Variants in RIDA observed in about 807,000 individuals in gnomAD.
RIDA encodes the protein 2-iminobutanoate/2-iminopropanoate deaminase.
A neutral mutation model predicts 17.8 loss-of-function variants in RIDA; 17 were observed. The observed-to-expected ratio is 0.96, with a 90% CI of 0.65 to 1.43. The LOEUF is 1.43. RIDA is among the 40% of genes most tolerant of loss of function. The probability of loss-of-function intolerance (pLI) is 0.00; values close to 1 mark genes in which losing one functional copy is unlikely to be tolerated. For missense variants in RIDA, 158 were observed against 161.7 expected, an observed-to-expected ratio of 0.98 and a Z score of 0.12; for synonymous variants, 48 against 55.7, an observed-to-expected ratio of 0.86 and a Z score of 0.62.
intron 1 of RIDA, among the ~76,000 whole-genome samples, chr8:98,114,243 A>G (rs4734382): frequency 0.45 from 69,129 of 151,934 alleles, 15,978 homozygotes; most frequent in Admixed American, 0.51. Flanking sequence ...AACCACATTT[A>G]ATTGTTCCTT....
chr8:98,108,648 G>C lies in RIDA; in HGVS notation c.169C>G (p.Gln57Glu), dbSNP rs987875737. Residue 57 changes from glutamine to glutamate, a missense_variant and splice_region_variant, in exon 2 of 6, where the codon CAA becomes GAA. By Grantham distance (29) the Gln-to-Glu change is conservative. Transcript: ENST00000254878. ...VSGGVAEEAKQALKNMGEILK... is the reference protein window; with the variant it reads ...VSGGVAEEAKEALKNMGEILK... Reference sequence around the variant, plus strand: ...CTTAAATGTGGAAAATAACTTACTTGTTTAGCTTCTTCTGCTACCCCTCCT... The same window carrying C: ...CTTAAATGTGGAAAATAACTTACTTCTTTAGCTTCTTCTGCTACCCCTCCT... The C allele has an allele frequency of 2.5e-6, 4 of 1,596,784 alleles. No individual in the cohort carries two copies. Among genetic ancestry groups the C allele is most frequent in the Non-Finnish European group, 3.4e-6 (4 of 1,164,286 alleles).
intron 1 of RIDA, among the ~76,000 whole-genome samples, chr8:98,112,673 T>A (rs1201352226): frequency 6.6e-6 from 1 of 152,212 alleles, no homozygotes; most frequent in Non-Finnish European, 1.5e-5. Flanking sequence ...ACTGAGTTTG[T>A]TAATTTGTAA....
At chr8:98,107,279 C>T (rs1815645705) in intron 2 of RIDA, among the ~76,000 whole-genome samples, 1 of 152,138 alleles carries the variant, frequency 6.6e-6, no homozygotes, top group Admixed American at 6.5e-5. Flanking sequence ...AATCTCAGCA[C>T]TTTGGGAGGC....
chr8:98,111,480 C>T (rs1007741209), intron 1 of RIDA, among the ~76,000 whole-genome samples: 18 of 151,964 alleles, frequency 1.2e-4, no homozygotes, highest in African/African-American at 4.1e-4. Flanking sequence ...GTGGTGCACA[C>T]CTGTAATTCC....
intron 2 of RIDA, among the ~76,000 whole-genome samples, chr8:98,106,973 T>G (rs1319704692): frequency 6.6e-6 from 1 of 152,182 alleles, no homozygotes; most frequent in Admixed American, 6.5e-5. Context: ...CCTCTCTCCC[T>G]CTCCCAAGTT....
chr8:98,112,693 G>A (rs1201052017), intron 1 of RIDA, among the ~76,000 whole-genome samples: 10 of 151,950 alleles, frequency 6.6e-5, no homozygotes, highest in Admixed American at 3.3e-4. Flanking sequence ...ATCTTTTCTC[G>A]GGTTAAATAA....
In RIDA at chr8:98,104,681, A is replaced by G. The variant is rs1045237803; in HGVS notation, c.296-137T>C. The G allele has an allele frequency of 9.5e-6, 6 of 628,652 alleles. No homozygotes were observed. In the Admixed American group the frequency reaches 1.1e-4, roughly 12 times the overall value. 38.9% of individuals were successfully genotyped at this position (628,652 alleles called of 1,614,324 possible). On this transcript the variant is annotated intron_variant, in intron 4 of 5. Transcript: ENST00000254878. ...ATTAATAATCTGGCAAATATTTCAT[A>G]TACTAGTCAGTTCTTAGATATAAGC...
In RIDA at chr8:98,115,410, AAAAAAG is replaced by A. The variant is rs1382079433; in HGVS notation, c.65+1616_65+1621del. Among the ~76,000 whole-genome samples, 194 of 106,924 alleles carry A rather than the reference AAAAAAG, an allele frequency of 1.8e-3. 8 individuals carry two copies. Among genetic ancestry groups the A allele is most frequent in the African/African-American group, 4.7e-3 (158 of 33,834 alleles). The allele number at this position is 106,924 out of a possible 152,430, so 70.1% of individuals were successfully genotyped here. ...CTCCAAAAAAAAAAAAAAAAAAAAA[AAAAAAG>A]GGATAGTGCCCAATGCTGCTGAGTA... is the stretch of plus-strand genomic sequence containing the variant. On this transcript the variant is annotated intron_variant, in intron 1 of 5. Transcript: ENST00000254878.
chr8:98,116,951 C>T, intron 1 of RIDA, 81 bp downstream of exon 1: 1 of 1,130,914 alleles, frequency 8.8e-7, no homozygotes, highest in Non-Finnish European at 1.3e-6. Context: ...TTAGCTGGGG[C>T]TCCGGCCCGG....
At chr8:98,104,578 G>C in intron 4 of RIDA, 34 bp from the exon 5 acceptor site, 1 of 1,233,184 alleles carries the variant, frequency 8.1e-7, no homozygotes, top group Non-Finnish European at 1.2e-6. Flanking sequence ...TTTTAATAGA[G>C]AAGAGTTGAA....
chr8:98,106,078 G>A, intron 3 of RIDA, 72 bp from the exon 4 acceptor site: 4 of 1,194,612 alleles, frequency 3.3e-6, no homozygotes, highest in Middle Eastern at 1.9e-4. Flanking sequence ...GAAAAAGAGT[G>A]TATGAATCTG....
chr8:98,108,557 TA>T, intron 2 of RIDA, 88 bp downstream of exon 2: 2 of 832,018 alleles, frequency 2.4e-6, no homozygotes, highest in Non-Finnish European at 4.2e-6. Context: ...TTAATCTCTA[TA>T]AAACAAATCA....
intron 2 of RIDA, among the ~76,000 whole-genome samples, chr8:98,108,011 C>T (rs1385675660): frequency 6.6e-6 from 1 of 150,714 alleles, no homozygotes; most frequent in African/African-American, 2.5e-5. Flanking sequence ...CTCAGGTGAT[C>T]TGCCCGCCTC....
At position 98,102,898 on chromosome 8, in the gene RIDA, G is replaced by A. The variant is rs758646800; in HGVS notation, c.358C>T (p.Arg120Ter). ...ATAGCTACTGCTTCAATTTCAATTC[G>A]GCTGCCCTGTGAGGAAAATGAAAGA... ...YQVAALPKGS[R>*]IEIEAVAIQG... The change falls in exon 6 of 6, where the codon CGA (arginine) becomes TGA (stop). Residue 120 changes from arginine (R) to a stop codon, truncating the protein, a stop_gained. Coordinates refer to ENST00000254878, the MANE Select transcript of RIDA (RefSeq NM_005836.3). LOFTEE classifies it high-confidence loss of function. 3.7e-6 allele frequency: 6 copies of A among 1,612,130 alleles called. No homozygotes were observed. The highest frequency in any genetic ancestry group is 1.7e-5 in the Admixed American group (1 of 59,906).
chr8:98,103,865 T>C (rs1336989599), intron 5 of RIDA, among the ~76,000 whole-genome samples: 1 of 151,960 alleles, frequency 6.6e-6, no homozygotes, highest in Non-Finnish European at 1.5e-5. Context: ...GTCTCGATCT[T>C]CTGACCTTGT....
intron 1 of RIDA, among the ~76,000 whole-genome samples, chr8:98,116,362 C>G (rs1352410768): frequency 6.6e-6 from 1 of 152,126 alleles, no homozygotes; most frequent in Non-Finnish European, 1.5e-5. Flanking sequence ...TTTCTCACAG[C>G]AGTAGGTTTA....
intron 2 of RIDA, among the ~76,000 whole-genome samples, chr8:98,106,789 CT>C (rs1192799031): frequency 4.6e-5 from 7 of 152,096 alleles, no homozygotes; most frequent in African/African-American, 9.7e-5. Flanking sequence ...AAACATTTAT[CT>C]TTTTTTGGAT....
chr8:98,114,013 G>A (rs1815765346), intron 1 of RIDA, among the ~76,000 whole-genome samples: 1 of 152,160 alleles, frequency 6.6e-6, no homozygotes, highest in Non-Finnish European at 1.5e-5. Flanking sequence ...GGGCAACATG[G>A]TAAAACCCCA....
At chr8:98,103,058 T>C (rs1383477508) in intron 5 of RIDA, among the ~76,000 whole-genome samples, 154 bp from the exon 6 acceptor site, 1 of 152,246 alleles carries the variant, frequency 6.6e-6, no homozygotes, top group African/African-American at 2.4e-5. Context: ...ACCAAGAACC[T>C]ATAACAGACC....
Sources: allele counts gnomAD v4.1 joint callset (sites outside exome capture counted in the v4.1 genomes callset), GRCh38; gene constraint gnomAD v4.1.1; transcripts MANE v1.5; gene names NCBI Gene and HGNC (gene_info 2026-07-23, HGNC 2026-07-21).